Variants in RSPO3 observed in about 807,000 individuals in gnomAD.
RSPO3 encodes the protein R-spondin-3.
A neutral mutation model predicts 36.5 loss-of-function variants in RSPO3; 17 were observed. The observed-to-expected ratio is 0.47, with a 90% confidence interval of 0.32 to 0.70. RSPO3 has a LOEUF of 0.70. Among genes scored for constraint, RSPO3 ranks in the 30% least tolerant of loss-of-function variants. RSPO3 has a pLI of 0.04. For synonymous variants in RSPO3, 108 were observed against 107.0 expected (o/e 1.01, Z -0.06); for missense variants, 294 against 322.5 (o/e 0.91, Z 0.68).
intron 4 of RSPO3, among the ~76,000 whole-genome samples, chr6:127,182,572 T>C (rs1362241117): frequency 6.6e-6 from 1 of 152,018 alleles, no homozygotes; most frequent in East Asian, 1.9e-4. Flanking sequence ...TTGTCACATT[T>C]CCTTTAATTT....
At position 127,177,011 on chromosome 6, in the gene RSPO3, GACTTC is replaced by G; in HGVS notation, c.635-18811_635-18807del. 2.0e-5 allele frequency among the ~76,000 whole-genome samples: 3 copies of G among 151,788 alleles called. No homozygotes were observed. The Middle Eastern group carries it at 0.01, about 516-fold the overall frequency. ...GAACTTGGTCGTTCCTTATTGCAAGGACTTCCTCCAACTAGGGTGAATTTTCACCC... is the reference window on the plus strand; with the variant it reads ...GAACTTGGTCGTTCCTTATTGCAAGGCTCCAACTAGGGTGAATTTTCACCC... On this transcript the variant is annotated intron_variant, in intron 4 of 4. Coordinates refer to ENST00000356698, the MANE Select transcript of RSPO3 (RefSeq NM_032784.5).
chr6:127,177,715 A>G (rs1439844557), intron 4 of RSPO3, among the ~76,000 whole-genome samples: 1 of 151,872 alleles, frequency 6.6e-6, no homozygotes, highest in Non-Finnish European at 1.5e-5. Flanking sequence ...CTTTATTTTC[A>G]TAGCTTGAGT....
intron 4 of RSPO3, among the ~76,000 whole-genome samples, chr6:127,191,008 T>C (rs1775398844): frequency 6.6e-6 from 1 of 152,186 alleles, no homozygotes; most frequent in South Asian, 2.1e-4. Context: ...TATATACAAG[T>C]TAGGAAGAAT....
intron 4 of RSPO3, among the ~76,000 whole-genome samples, chr6:127,178,017 G>A (rs1200975242): frequency 3.3e-5 from 5 of 151,632 alleles, no homozygotes; most frequent in Non-Finnish European, 5.9e-5. Flanking sequence ...CATGAAATGA[G>A]CCTGGTATTC....
chr6:127,143,287 C>T (rs1336241985), intron 1 of RSPO3, among the ~76,000 whole-genome samples: 1 of 151,948 alleles, frequency 6.6e-6, no homozygotes, highest in Non-Finnish European at 1.5e-5. Flanking sequence ...AGACCTCTTC[C>T]CTCAGGAAGC....
intron 3 of RSPO3, among the ~76,000 whole-genome samples, chr6:127,154,123 C>A (rs530623623): frequency 3.3e-5 from 5 of 152,244 alleles, no homozygotes; most frequent in African/African-American, 1.2e-4. Context: ...ATTTAAATTT[C>A]TAAAACATTT....
Position 127,199,096 on chromosome 6 carries a change from C to G in RSPO3, c.*3089C>G, listed in dbSNP as rs915118035. 5.3e-5 allele frequency among the ~76,000 whole-genome samples: 8 copies of G among 152,148 alleles called. No homozygotes were observed. Among genetic ancestry groups the G allele is most frequent in the Non-Finnish European group, 1.2e-4 (8 of 68,034 alleles). On this transcript the variant is annotated 3_prime_UTR_variant, in exon 5 of 5. Coordinates refer to ENST00000356698, the MANE Select transcript of RSPO3 (RefSeq NM_032784.5). ...GACAGCAAAGAAAATGGAAAGTGCA[C>G]TGGTGCTAGCGTTAGACAGCTTGTG...
chr6:127,141,115 T>C (rs1774261790), intron 1 of RSPO3, among the ~76,000 whole-genome samples: 1 of 152,240 alleles, frequency 6.6e-6, no homozygotes. Context: ...GTCTTATTCA[T>C]TCCTGCCTTT....
intron 1 of RSPO3, among the ~76,000 whole-genome samples, chr6:127,133,415 A>T (rs1044680027): frequency 2.0e-5 from 3 of 152,114 alleles, no homozygotes; most frequent in Admixed American, 2.0e-4. Flanking sequence ...GGAGGCAGGG[A>T]CATTGATTTT....
rs992926859 is a variant in RSPO3, at chr6:127,118,848, C to G, written c.-345C>G. ...GGGCCGCCGCTGCAGCCGCCGCCGCCGCCGCTCGCCCGCCCGGATCCCGCC... is the reference window on the plus strand; with the variant it reads ...GGGCCGCCGCTGCAGCCGCCGCCGCGGCCGCTCGCCCGCCCGGATCCCGCC... On this transcript the variant is annotated 5_prime_UTR_variant, in exon 1 of 5. Coordinates refer to ENST00000356698, the MANE Select transcript of RSPO3 (RefSeq NM_032784.5). The G allele has an allele frequency of 6.1e-6, 1 of 165,268 alleles. No homozygotes were observed. Among genetic ancestry groups the G allele is most frequent in the Non-Finnish European group, 1.3e-5 (1 of 77,468 alleles). The allele number at this position is 165,268 out of a possible 1,614,324, so 10.2% of individuals were successfully genotyped here. A position where few individuals can be genotyped will look rare whatever the true frequency, so the allele number is the denominator to read the frequency against.
Position 127,158,033 on chromosome 6 carries a change from T to C in RSPO3, c.634+2595T>C, listed in dbSNP as rs1053482332. On this transcript the variant is annotated intron_variant, in intron 4 of 4. Transcript: ENST00000356698. ...GTATATTTATATAATATGTATAATATATAATAAAAATATCTTGAAAATTAC... is the reference window on the plus strand; with the variant it reads ...GTATATTTATATAATATGTATAATACATAATAAAAATATCTTGAAAATTAC... Among the ~76,000 whole-genome samples the C allele has an allele frequency of 7.9e-4, 119 of 150,846 alleles. 4 individuals are homozygous for C. The highest frequency in any genetic ancestry group is 7.8e-3 in the Admixed American group (118 of 15,100).
At chr6:127,128,639 T>C (rs1159747291) in intron 1 of RSPO3, among the ~76,000 whole-genome samples, 1 of 152,076 alleles carries the variant, frequency 6.6e-6, no homozygotes, top group Non-Finnish European at 1.5e-5. Flanking sequence ...TTTGAACAAA[T>C]AGTAGTGTAA....
chr6:127,168,271 C>G (rs912980371), intron 4 of RSPO3, among the ~76,000 whole-genome samples: 9 of 152,212 alleles, frequency 5.9e-5, no homozygotes, highest in African/African-American at 2.2e-4. Flanking sequence ...CCTGTTGTTT[C>G]CTGACTTATT....
chr6:127,168,569 G>C (rs768501278), intron 4 of RSPO3, among the ~76,000 whole-genome samples: 8 of 152,060 alleles, frequency 5.3e-5, no homozygotes, highest in Non-Finnish European at 1.0e-4. Context: ...TCTGATGGTA[G>C]TTTCTTTTGC....
In RSPO3 at chr6:127,150,410, C is replaced by CT. The variant is rs1326899920; in HGVS notation, c.290-10dup. 6.2e-7 allele frequency: 1 copy of CT among 1,605,720 alleles called. No individual in the cohort carries two copies. The highest frequency in any genetic ancestry group is 8.5e-7 in the Non-Finnish European group (1 of 1,176,860). On this transcript the variant is annotated splice_polypyrimidine_tract_variant and intron_variant, in intron 2 of 4. Transcript: ENST00000356698. ...GAACATAATGCAAGCATATTTCTTT[C>CT]TTTTTTCTCTTTCAGAATGCAAAGC... is the stretch of plus-strand genomic sequence containing the variant.
rs1773781396 is a variant in RSPO3, at chr6:127,119,165, A to C, written c.-28A>C. On this transcript the variant is annotated 5_prime_UTR_variant, in exon 1 of 5. Coordinates refer to ENST00000356698, the MANE Select transcript of RSPO3 (RefSeq NM_032784.5). ...AATTAACAATCAAAAGAAAGAGGAG[A>C]AAGGAAGGGAAGCATTACTGGGTTA... is the stretch of plus-strand genomic sequence containing the variant. The C allele has an allele frequency of 6.8e-7, 1 of 1,468,544 alleles. No individual in the cohort carries two copies. Among genetic ancestry groups the C allele is most frequent in the South Asian group, 1.2e-5 (1 of 86,564 alleles). 91.0% of individuals were successfully genotyped at this position (1,468,544 alleles called of 1,614,324 possible). A position where few individuals can be genotyped will look rare whatever the true frequency, so the allele number is the denominator to read the frequency against.
chr6:127,138,180 G>A (rs961297623), intron 1 of RSPO3, among the ~76,000 whole-genome samples: 1 of 151,918 alleles, frequency 6.6e-6, no homozygotes, highest in African/African-American at 2.4e-5. Flanking sequence ...ACACAGTAAA[G>A]TTTTAGAATC....
At chr6:127,163,599 T>G (rs984361751) in intron 4 of RSPO3, among the ~76,000 whole-genome samples, 7 of 152,146 alleles carry the variant, frequency 4.6e-5, no homozygotes, top group African/African-American at 1.4e-4. Flanking sequence ...TTTAATTTCC[T>G]ACTCAGTTCC....
rs565436709 is a variant in RSPO3, at chr6:127,198,441, A to G, written c.*2434A>G. ...CTTCTCAAATTTGAGCAAAAACTCTATCAACCTCTGGTAAAGTTCCTACAC... is the reference window on the plus strand; with the variant it reads ...CTTCTCAAATTTGAGCAAAAACTCTGTCAACCTCTGGTAAAGTTCCTACAC... On this transcript the variant is annotated 3_prime_UTR_variant, in exon 5 of 5. Transcript: ENST00000356698. 6.6e-6 allele frequency among the ~76,000 whole-genome samples: 1 copy of G among 152,318 alleles called. No individual in the cohort carries two copies. Among genetic ancestry groups the G allele is most frequent in the East Asian group, 1.9e-4 (1 of 5,176 alleles).
Sources: gnomAD v4.1 joint callset for allele counts (sites outside exome capture counted in the v4.1 genomes callset) on GRCh38, gnomAD v4.1.1 for gene constraint, MANE v1.5 for transcripts, NCBI Gene and HGNC (gene_info 2026-07-23, HGNC 2026-07-21) for gene names.